Variants in EIF3F observed in about 807,000 individuals in gnomAD.
The protein encoded by EIF3F is eukaryotic translation initiation factor 3 subunit F.
EIF3F carries 8 observed loss-of-function variants against 36.0 expected under a neutral mutation model. That is an observed-to-expected ratio of 0.22 (90% confidence interval 0.13 to 0.40). The LOEUF is 0.40. Among genes scored for constraint, EIF3F ranks in the 10% least tolerant of loss-of-function variants. The pLI, the probability that EIF3F is intolerant of heterozygous loss-of-function variation, is 1.00. For synonymous variants in EIF3F, 184 were observed against 188.5 expected, an observed-to-expected ratio of 0.98 and a Z score of 0.19; for missense variants, 430 against 467.6, an observed-to-expected ratio of 0.92 and a Z score of 0.74.
chr11:7,993,070 G>A (rs1409087020), intron 4 of EIF3F, 46 bp downstream of exon 4: 6 of 1,509,668 alleles, frequency 4.0e-6, no homozygotes, highest in Non-Finnish European at 8.9e-7. Context: ...ATGCCCAGAT[G>A]CCATCCCTCC....
At chr11:7,991,210 A>G (rs1942090021) in intron 1 of EIF3F, among the ~76,000 whole-genome samples, 2 of 152,154 alleles carry the variant, frequency 1.3e-5, no homozygotes, top group African/African-American at 4.8e-5. Context: ...AAAAAAAGAA[A>G]AAAAGAAATA....
chr11:7,990,478 G>A (rs1367663485), intron 1 of EIF3F, among the ~76,000 whole-genome samples: 1 of 152,086 alleles, frequency 6.6e-6, no homozygotes, highest in Non-Finnish European at 1.5e-5. Flanking sequence ...CCTAGAAAAG[G>A]AACATTGAAT....
intron 4 of EIF3F, among the ~76,000 whole-genome samples, chr11:7,993,901 A>G (rs1392629400): frequency 6.6e-6 from 1 of 152,116 alleles, no homozygotes; most frequent in Non-Finnish European, 1.5e-5. Flanking sequence ...ATGTATATAT[A>G]TGTAGATAGA....
rs1942043600 is a variant in EIF3F, at chr11:7,987,692, G to A, written c.340G>A (p.Ala114Thr). Residue 114 changes from alanine to threonine, a missense_variant, in exon 1 of 8, where the codon GCC becomes ACC. Physicochemically the swap from Ala to Thr is moderately conservative, Grantham distance 58. Coordinates refer to ENST00000651655, the MANE Select transcript of EIF3F (RefSeq NM_003754.3). ...CTACGAGAGACGCAACGAGGGTGCT[G>A]CCCGAGTTATCGGGACCCTGTTGGG... ...DSYERRNEGA[A>T]RVIGTLLGTV... is the part of the protein sequence containing the mutation. The A allele has an allele frequency of 6.6e-7, 1 of 1,515,338 alleles. No individual in the cohort carries two copies. The allele number at this position is 1,515,338 out of a possible 1,614,324, so 93.9% of individuals were successfully genotyped here. A position where few individuals can be genotyped will look rare whatever the true frequency, so the allele number is the denominator to read the frequency against.
Position 7,994,527 on chromosome 11 carries a change from C to T in EIF3F, c.745+10C>T, listed in dbSNP as rs1329160307. On this transcript the variant is annotated intron_variant, in intron 5 of 7. Coordinates refer to ENST00000651655, the MANE Select transcript of EIF3F (RefSeq NM_003754.3). ...ACTGAACGCATCGGAGGTGAGTAAC[C>T]TTTCCATACACTCGCGAGAGGCCAT... is the stretch of plus-strand genomic sequence containing the variant. The T allele has an allele frequency of 6.2e-7, 1 of 1,611,666 alleles. No homozygotes were observed. Among genetic ancestry groups the T allele is most frequent in the African/African-American group, 1.3e-5 (1 of 74,862 alleles).
chr11:7,992,709 AGTC>A (rs1312974430), intron 3 of EIF3F, 175 bp from the exon 4 acceptor site: 1 of 783,392 alleles, frequency 1.3e-6, no homozygotes, highest in Non-Finnish European at 2.1e-6. Context: ...ATCAGCACTA[AGTC>A]AGCCTTTGAT....
chr11:8,001,366 C>T lies in EIF3F; in HGVS notation c.*5344C>T, dbSNP rs1942219575. On this transcript the variant is annotated 3_prime_UTR_variant, in exon 8 of 8. Coordinates refer to ENST00000651655, the MANE Select transcript of EIF3F (RefSeq NM_003754.3). Reference sequence around the variant, plus strand: ...GCATGCCCTTAACCCAGGAATTCCACTCCTCATTATATATCCTACAAATAA... The same window carrying T: ...GCATGCCCTTAACCCAGGAATTCCATTCCTCATTATATATCCTACAAATAA... 1 of 152,140 alleles carries T rather than the reference C, an allele frequency of 6.6e-6. No homozygotes were observed. Among genetic ancestry groups the T allele is most frequent in the Non-Finnish European group, 1.5e-5 (1 of 68,034 alleles). The allele number at this position is 152,140 out of a possible 1,614,324, so 9.4% of individuals were successfully genotyped here. A position where few individuals can be genotyped will look rare whatever the true frequency, so the allele number is the denominator to read the frequency against.
intron 1 of EIF3F, among the ~76,000 whole-genome samples, chr11:7,990,360 C>A (rs1010031937): frequency 1.3e-5 from 2 of 152,216 alleles, no homozygotes; most frequent in African/African-American, 4.8e-5. Context: ...GCTTTGTGTG[C>A]AGTCTCTATC....
chr11:7,996,270 A>T lies in EIF3F; in HGVS notation c.*248A>T, dbSNP rs897155808. ...AATATTGTAGGTAGAGAAGTTGGTT[A>T]TGTGTTTGGCATGTTACTGTTTTAC... On this transcript the variant is annotated 3_prime_UTR_variant, in exon 8 of 8. Transcript: ENST00000651655. The T allele has an allele frequency of 5.0e-6, 2 of 401,610 alleles. No homozygotes were observed. Among genetic ancestry groups the T allele is most frequent in the Non-Finnish European group, 9.0e-6 (2 of 222,842 alleles). The allele number at this position is 401,610 out of a possible 1,614,324, so 24.9% of individuals were successfully genotyped here. A position where few individuals can be genotyped will look rare whatever the true frequency, so the allele number is the denominator to read the frequency against.
chr11:7,994,920 A>T, intron 5 of EIF3F, 62 bp from the exon 6 acceptor site: 1 of 1,593,888 alleles, frequency 6.3e-7, no homozygotes, highest in Non-Finnish European at 8.6e-7. Context: ...TGGTGGGATG[A>T]CTGAATTCTC....
intron 6 of EIF3F, 49 bp downstream of exon 6, chr11:7,995,167 T>TG (rs1385224476): frequency 6.2e-7 from 1 of 1,608,828 alleles, no homozygotes; most frequent in Admixed American, 1.7e-5. Context: ...TTCTCTATCC[T>TG]GGGATCACTG....
intron 7 of EIF3F, 125 bp from the exon 8 acceptor site, chr11:7,995,820 C>T (rs955112092): frequency 1.0e-5 from 8 of 793,340 alleles, no homozygotes; most frequent in Non-Finnish European, 1.8e-5. Context: ...TATTCAGTCT[C>T]TCCTAGCTGT....
chr11:7,994,856 G>A (rs1264903826), intron 5 of EIF3F, 126 bp from the exon 6 acceptor site: 2 of 1,387,136 alleles, frequency 1.4e-6, no homozygotes, highest in Non-Finnish European at 2.0e-6. Flanking sequence ...AGCAGACTGA[G>A]TCTAAGGGGA....
Position 7,995,250 on chromosome 11 carries a change from T to C in EIF3F, c.883-4T>C, listed in dbSNP as rs373872168. ...CCTCATCGAGTCTTTGTTTTGGTAC[T>C]CAGTCTGGAAAGGTGTCAGCTGACA... On this transcript the variant is annotated splice_polypyrimidine_tract_variant and splice_region_variant and intron_variant, in intron 6 of 7. Transcript: ENST00000651655. The C allele has an allele frequency of 6.4e-5, 103 of 1,613,274 alleles. No homozygotes were observed. The highest frequency in any genetic ancestry group is 8.5e-5 in the Non-Finnish European group (100 of 1,179,528).
chr11:7,987,542 G>A lies in EIF3F; in HGVS notation c.190G>A (p.Ala64Thr), dbSNP rs1432836829. ...AATAAPGQTPASAQAPAQTPA... is the reference protein window; with the variant it reads ...AATAAPGQTPTSAQAPAQTPA... The stretch of plus-strand genomic sequence containing the variant: ...AACTGCGGCTCCTGGCCAGACCCCG[G>A]CCTCAGCGCAAGCTCCAGCGCAGAC... Residue 64 changes from alanine (A) to threonine (T), a missense_variant, in exon 1 of 8, where the codon GCC (alanine) becomes ACC (threonine). Ala to Thr is a moderately conservative substitution (Grantham distance 58). This residue lies in a region of EIF3F where 168 missense variants were observed against 120.2 expected (regional missense o/e 1.40). Coordinates refer to ENST00000651655, the MANE Select transcript of EIF3F (RefSeq NM_003754.3). 2.5e-6 allele frequency: 4 copies of A among 1,603,546 alleles called. No individual in the cohort carries two copies. Among genetic ancestry groups the A allele is most frequent in the Admixed American group, 1.7e-5 (1 of 59,364 alleles).
chr11:7,993,352 A>C (rs984364335), intron 4 of EIF3F, among the ~76,000 whole-genome samples: 1 of 152,152 alleles, frequency 6.6e-6, no homozygotes, highest in African/African-American at 2.4e-5. Flanking sequence ...ATCCTTCACC[A>C]CATTCATTAC....
chr11:7,998,682 A>C lies in EIF3F; in HGVS notation c.*2660A>C, dbSNP rs1208408153. The C allele has an allele frequency of 6.6e-6, 1 of 152,166 alleles. No homozygotes were observed. The highest frequency in any genetic ancestry group is 1.5e-5 in the Non-Finnish European group (1 of 68,034). The allele number at this position is 152,166 out of a possible 1,614,324, so 9.4% of individuals were successfully genotyped here. The stretch of plus-strand genomic sequence containing the variant: ...ACATACGGAGTCTGCAAAAAATGAG[A>C]ATTGACTATTATGTGTGTGTATATT... On this transcript the variant is annotated 3_prime_UTR_variant, in exon 8 of 8. Transcript: ENST00000651655.
chr11:7,987,396 C>T lies in EIF3F; in HGVS notation c.44C>T (p.Pro15Leu), dbSNP rs1942034475. The T allele has an allele frequency of 6.2e-7, 1 of 1,600,278 alleles. No homozygotes were observed. Among genetic ancestry groups the T allele is most frequent in the African/African-American group, 1.3e-5 (1 of 75,012 alleles). ...CCAGTAAGTGCTCCTCCGGCCACGC[C>T]AACCCCAGTCCCGGCGGCGGCCCCA... ...AVPVSAPPAT[P>L]TPVPAAAPAS... is the part of the protein sequence containing the mutation. Residue 15 changes from proline (P) to leucine (L), a missense_variant, in exon 1 of 8, where the codon CCA becomes CTA. Physicochemically the swap from Pro to Leu is moderately conservative, Grantham distance 98. Around this residue, in one of 2 missense-constraint regions of EIF3F, gnomAD observed 168 missense variants for 120.2 expected, o/e 1.40. Transcript: ENST00000651655.
intron 7 of EIF3F, 100 bp downstream of exon 7, chr11:7,995,467 GAT>G (rs1168609136): frequency 1.0e-6 from 1 of 982,208 alleles, no homozygotes; most frequent in East Asian, 2.4e-5. Flanking sequence ...CCTGGAGTAG[GAT>G]AGAGACAGGG....
Sources: gnomAD v4.1 joint callset for allele counts (sites outside exome capture counted in the v4.1 genomes callset) on GRCh38, gnomAD v4.1.1 for gene constraint, gnomAD v4.1.1 regional missense constraint, MANE v1.5 for transcripts, NCBI Gene and HGNC (gene_info 2026-07-23, HGNC 2026-07-21) for gene names.